The following BRAF variants were observed in gnomAD, a reference collection of about 807,000 sequenced individuals.
The protein encoded by BRAF is B-Raf proto-oncogene, serine/threonine kinase, also known as serine/threonine-protein kinase B-raf.
BRAF carries 16 observed loss-of-function variants against 104.6 expected under a neutral mutation model. That is an observed-to-expected ratio of 0.15 (90% CI 0.10 to 0.23). The LOEUF is 0.23. BRAF is among the 10% of genes least tolerant of loss of function. The pLI, the probability that BRAF is intolerant of heterozygous loss-of-function variation, is 1.00. For synonymous variants in BRAF, 310 were observed against 341.6 expected (o/e 0.91, Z 1.02); for missense variants, 541 against 937.3 (o/e 0.58, Z 5.52).
chr7:140,803,063 C>T (rs1008402067), intron 5 of BRAF, among the ~76,000 whole-genome samples: 1 of 152,200 alleles, frequency 6.6e-6, no homozygotes, highest in Non-Finnish European at 1.5e-5. Flanking sequence ...AGGTTACCTA[C>T]AGCATTCAGT....
In BRAF at chr7:140,738,050, G is replaced by C. The variant is rs115217154; in HGVS notation, c.2247+1762C>G. Among the ~76,000 whole-genome samples the C allele has an allele frequency of 9.7e-3, 1,470 of 152,150 alleles. 25 individuals are homozygous for C. Among genetic ancestry groups the C allele is most frequent in the African/African-American group, 0.033 (1,383 of 41,508 alleles). ...GACGTGAAAAGAGAACATGGGACAGGGTCATGCTGAAGCTGCTCAGCAGCA... is the reference window on the plus strand; with the variant it reads ...GACGTGAAAAGAGAACATGGGACAGCGTCATGCTGAAGCTGCTCAGCAGCA... On this transcript the variant is annotated intron_variant, in intron 18 of 19. Transcript: ENST00000644969.
intron 1 of BRAF, among the ~76,000 whole-genome samples, chr7:140,895,903 C>T (rs1563023111): frequency 1.3e-5 from 2 of 152,146 alleles, no homozygotes; most frequent in Non-Finnish European, 1.5e-5. Flanking sequence ...AATGTCTCTT[C>T]GACGTACTGA....
At chr7:140,736,858 G>A (rs1398320361) in intron 18 of BRAF, among the ~76,000 whole-genome samples, 2 of 152,026 alleles carry the variant, frequency 1.3e-5, no homozygotes, top group East Asian at 3.9e-4. Context: ...GCAACATAGT[G>A]AGAATCTATC....
At chr7:140,801,041 T>C in intron 6 of BRAF, 1 of 216,824 alleles carries the variant, frequency 4.6e-6, no homozygotes, top group Non-Finnish European at 9.1e-6. Flanking sequence ...AATATAAACG[T>C]AATTTACAAA....
intron 3 of BRAF, among the ~76,000 whole-genome samples, chr7:140,815,432 ATTT>A (rs11445161): frequency 2.7e-5 from 3 of 111,868 alleles, no homozygotes; most frequent in Admixed American, 1.8e-4. Flanking sequence ...GGTGTGAGCC[ATTT>A]TTTTTTTTTT....
chr7:140,714,517 G>A (rs1387832353), downstream of BRAF, among the ~76,000 whole-genome samples: 6 of 152,110 alleles, frequency 3.9e-5, no homozygotes, highest in Non-Finnish European at 8.8e-5. Context: ...ACAAGTGTGT[G>A]CCACCACACT....
At chr7:140,862,748 A>T (rs1260236955) in intron 1 of BRAF, among the ~76,000 whole-genome samples, 1 of 152,190 alleles carries the variant, frequency 6.6e-6, no homozygotes, top group East Asian at 1.9e-4. Context: ...GACTGCTAAT[A>T]AATCCAGGGG....
intron 1 of BRAF, among the ~76,000 whole-genome samples, chr7:140,922,029 C>T (rs1350345059): frequency 6.6e-6 from 1 of 152,132 alleles, no homozygotes; most frequent in East Asian, 1.9e-4. Flanking sequence ...ATTTTATCAT[C>T]TGTAATACTG....
At chr7:140,920,832 T>G (rs1818138300) in intron 1 of BRAF, among the ~76,000 whole-genome samples, 1 of 152,182 alleles carries the variant, frequency 6.6e-6, no homozygotes, top group Non-Finnish European at 1.5e-5. Flanking sequence ...AAACAACTAT[T>G]TTATGATTTT....
intron 19 of BRAF, among the ~76,000 whole-genome samples, chr7:140,729,435 A>C (rs964628156): frequency 6.6e-6 from 1 of 152,094 alleles, no homozygotes; most frequent in Non-Finnish European, 1.5e-5. Context: ...ATCTGAGGCC[A>C]GGAGTTCAAG....
chr7:140,725,917 A>T lies in BRAF; in HGVS notation c.*577T>A, dbSNP rs1180681605. The T allele has an allele frequency of 9.4e-7, 1 of 1,063,020 alleles. No homozygotes were observed. The highest frequency in any genetic ancestry group is 1.1e-6 in the Non-Finnish European group (1 of 878,046). The allele number at this position is 1,063,020 out of a possible 1,614,324, so 65.8% of individuals were successfully genotyped here. ...ACCACTCAGCCTCCATTTAAATAAA[A>T]TAGTTTCCTTTTGATAAAATCTGTC... On this transcript the variant is annotated 3_prime_UTR_variant, in exon 20 of 20. Transcript: ENST00000644969.
intron 3 of BRAF, among the ~76,000 whole-genome samples, chr7:140,815,008 T>C (rs1225584342): frequency 6.6e-6 from 1 of 151,804 alleles, no homozygotes; most frequent in Non-Finnish European, 1.5e-5. Context: ...TACAGTAACA[T>C]CTTAAATAAA....
chr7:140,755,753 C>A (rs956095987), intron 14 of BRAF, among the ~76,000 whole-genome samples: 1 of 151,586 alleles, frequency 6.6e-6, no homozygotes, highest in African/African-American at 2.4e-5. Flanking sequence ...ATAAATGGGC[C>A]CCAATCAAAG....
At chr7:140,747,497 T>TCCAAAATACAGATAAAA in intron 17 of BRAF, 2 of 924,280 alleles carry the variant, frequency 2.2e-6, no homozygotes, top group Non-Finnish European at 3.0e-6. Flanking sequence ...TGCTTTTATC[T>TCCAAAATACAGATAAAA]GTATTTTGGA....
At chr7:140,832,961 C>A (rs1586333111) in intron 3 of BRAF, among the ~76,000 whole-genome samples, 1 of 151,482 alleles carries the variant, frequency 6.6e-6, no homozygotes, top group East Asian at 1.9e-4. Context: ...GCAAGCTCCG[C>A]CTCCCGGGTT....
chr7:140,769,850 G>A (rs915182417), intron 14 of BRAF, among the ~76,000 whole-genome samples: 2 of 152,108 alleles, frequency 1.3e-5, no homozygotes, highest in Admixed American at 6.5e-5. Flanking sequence ...GCTGGGATTA[G>A]AGGCATGAGC....
At chr7:140,883,648 T>C (rs893047109) in intron 1 of BRAF, among the ~76,000 whole-genome samples, 2 of 152,244 alleles carry the variant, frequency 1.3e-5, no homozygotes, top group African/African-American at 4.8e-5. Flanking sequence ...TTCTGCCTTC[T>C]GATAAACTGT....
At chr7:140,811,118 A>G (rs1804216198) in intron 3 of BRAF, among the ~76,000 whole-genome samples, 2 of 152,222 alleles carry the variant, frequency 1.3e-5, no homozygotes, top group African/African-American at 4.8e-5. Context: ...ATGAATCAAC[A>G]ATATGTCTTT....
intron 3 of BRAF, among the ~76,000 whole-genome samples, chr7:140,832,929 A>C (rs1304075710): frequency 2.7e-5 from 4 of 146,932 alleles, no homozygotes; most frequent in Non-Finnish European, 4.5e-5. Flanking sequence ...GCTGGAGTGC[A>C]GTGGCGCGAT....
Sources: allele counts gnomAD v4.1 joint callset (sites outside exome capture counted in the v4.1 genomes callset), GRCh38; gene constraint gnomAD v4.1.1; transcripts MANE v1.5; gene names NCBI Gene and HGNC (gene_info 2026-07-23, HGNC 2026-07-21).